Variants in APOLD1 observed in about 807,000 individuals in gnomAD.
APOLD1 encodes the protein apolipoprotein L domain containing 1, also known as apolipoprotein L domain-containing protein 1.
APOLD1 carries 22 observed loss-of-function variants against 15.3 expected under a neutral mutation model. The observed-to-expected ratio is 1.44, with a 90% CI of 1.03 to 2.05. APOLD1 has a LOEUF of 2.05. APOLD1 is among the 30% of genes most tolerant of loss of function. APOLD1 has a pLI of 0.00. For synonymous variants in APOLD1, 190 were observed against 167.4 expected (o/e 1.13, Z -1.04); for missense variants, 394 against 353.5 (o/e 1.11, Z -0.92).
At chr12:12,737,956 G>A (rs1200980059) in intron 1 of APOLD1, among the ~76,000 whole-genome samples, 1 of 152,118 alleles carries the variant, frequency 6.6e-6, no homozygotes, top group African/African-American at 2.4e-5. Context: ...CTATGTGCCA[G>A]GCCCTGGACT....
intron 1 of APOLD1, among the ~76,000 whole-genome samples, chr12:12,772,417 T>C (rs182529053): frequency 2.0e-5 from 3 of 152,204 alleles, no homozygotes; most frequent in African/African-American, 7.2e-5. Context: ...AAGGGGTCAA[T>C]TCTCCAAGAA....
At chr12:12,725,987 C>A (rs1946587666) in exon 1 of APOLD1, 2 of 1,495,382 alleles carry the variant, frequency 1.3e-6, no homozygotes, top group South Asian at 1.3e-5. Flanking sequence ...AGATGTAACC[C>A]AACTCGTTCA....
At chr12:12,742,678 T>C (rs1237043917) in intron 1 of APOLD1, among the ~76,000 whole-genome samples, 1 of 151,882 alleles carries the variant, frequency 6.6e-6, no homozygotes. Context: ...GGCAGAGAAT[T>C]GCTTGAACCT....
rs534670116 is a variant in APOLD1, at chr12:12,759,413, C to G, written c.97-27496C>G. On this transcript the variant is annotated intron_variant, in intron 1 of 1. Transcript: ENST00000326765. ...GAACTGTAGTTGTCTTTGTTAGCTT[C>G]CTTGCTATCTTGTATGACAAGATGC... Among the ~76,000 whole-genome samples, 45 of 151,918 alleles carry G rather than the reference C, an allele frequency of 3.0e-4. No individual in the cohort carries two copies. The Middle Eastern group carries it at 0.014, about 46-fold the overall frequency.
In APOLD1 at chr12:12,788,609, T is replaced by G. The variant is rs1336407581; in HGVS notation, c.*957T>G. 6.6e-6 allele frequency: 1 copy of G among 152,164 alleles called. No homozygotes were observed. Among genetic ancestry groups the G allele is most frequent in the Non-Finnish European group, 1.5e-5 (1 of 68,028 alleles). 9.4% of individuals were successfully genotyped at this position (152,164 alleles called of 1,614,324 possible). On this transcript the variant is annotated 3_prime_UTR_variant, in exon 2 of 2. Transcript: ENST00000356591. ...ATAGTGTAGTCCCTGGAATGGCAAA[T>G]TAACATCACCCAGGAACTTGTTAGA... is the stretch of plus-strand genomic sequence containing the variant.
chr12:12,765,082 G>C (rs187843683), intron 1 of APOLD1, among the ~76,000 whole-genome samples: 1 of 152,266 alleles, frequency 6.6e-6, no homozygotes, highest in East Asian at 1.9e-4. Context: ...TTATGCAAGG[G>C]AGTGCTGGGA....
upstream of APOLD1, among the ~76,000 whole-genome samples, chr12:12,783,121 G>A (rs1382971760): frequency 1.3e-5 from 2 of 152,092 alleles, no homozygotes; most frequent in African/African-American, 4.8e-5. Flanking sequence ...CAGGAGAATT[G>A]CTTGAATCTG....
intron 1 of APOLD1, among the ~76,000 whole-genome samples, chr12:12,777,442 G>A (rs1014311006): frequency 6.6e-6 from 1 of 152,170 alleles, no homozygotes; most frequent in Non-Finnish European, 1.5e-5. Context: ...GTTCAAGTAT[G>A]TGTTCCCTCA....
chr12:12,745,741 G>A (rs1025106011), intron 1 of APOLD1, among the ~76,000 whole-genome samples: 3 of 152,100 alleles, frequency 2.0e-5, no homozygotes, highest in African/African-American at 7.3e-5. Context: ...GCAAGGGCAG[G>A]ATGACTCAGA....
intron 1 of APOLD1, among the ~76,000 whole-genome samples, chr12:12,732,301 A>G (rs959089001): frequency 1.3e-5 from 2 of 152,254 alleles, no homozygotes; most frequent in Non-Finnish European, 2.9e-5. Context: ...TATACTGCGC[A>G]TTTAAAATGT....
intron 1 of APOLD1, among the ~76,000 whole-genome samples, chr12:12,737,186 A>T (rs778228126): frequency 1.3e-5 from 2 of 151,240 alleles, no homozygotes; most frequent in African/African-American, 2.4e-5. Context: ...CTTTAGAAAG[A>T]GACTTCAAAA....
intron 1 of APOLD1, among the ~76,000 whole-genome samples, chr12:12,785,998 A>G (rs953024900): frequency 6.6e-6 from 1 of 152,234 alleles, no homozygotes; most frequent in African/African-American, 2.4e-5. Context: ...TGAAGAGTAC[A>G]GTGGACATGA....
chr12:12,727,997 C>T (rs958266188), intron 1 of APOLD1, among the ~76,000 whole-genome samples: 1 of 151,970 alleles, frequency 6.6e-6, no homozygotes, highest in African/African-American at 2.4e-5. Context: ...AGACAGGTCT[C>T]ACTCTGTCAC....
chr12:12,770,191 C>A (rs771114368), intron 1 of APOLD1, among the ~76,000 whole-genome samples: 18 of 152,072 alleles, frequency 1.2e-4, no homozygotes, highest in Non-Finnish European at 2.1e-4. Flanking sequence ...GGGCAGATCA[C>A]GAAGTCAGTT....
chr12:12,733,567 G>T (rs1029163529), intron 1 of APOLD1, among the ~76,000 whole-genome samples: 4 of 152,182 alleles, frequency 2.6e-5, no homozygotes, highest in African/African-American at 7.2e-5. Context: ...TTTAACAGTA[G>T]ATTTTAACAA....
upstream of APOLD1, among the ~76,000 whole-genome samples, chr12:12,782,320 C>G (rs1476352248): frequency 2.6e-5 from 4 of 152,218 alleles, no homozygotes; most frequent in East Asian, 5.8e-4. Flanking sequence ...AGCAGTGGTT[C>G]ACAAACCTGG....
In APOLD1 at chr12:12,780,305, T is replaced by C. The variant is rs535750072; in HGVS notation, c.97-6604T>C. Among the ~76,000 whole-genome samples the C allele has an allele frequency of 4.9e-3, 726 of 149,330 alleles. 13 individuals are homozygous for C. Among genetic ancestry groups the C allele is most frequent in the Non-Finnish European group, 4.4e-3 (296 of 67,226 alleles). ...TATTGCCCAGGCTGGAGTGCAGTGG[T>C]GTGATCTCGGCTCACTGCAGCCTCA... On this transcript the variant is annotated intron_variant, in intron 1 of 1. Coordinates refer to the APOLD1 transcript ENST00000326765.
At chr12:12,734,253 A>C (rs1468554377) in intron 1 of APOLD1, among the ~76,000 whole-genome samples, 2 of 152,164 alleles carry the variant, frequency 1.3e-5, no homozygotes, top group Non-Finnish European at 2.9e-5. Flanking sequence ...CAAAACTCAC[A>C]TTCCTTGATC....
At chr12:12,744,275 C>T (rs1946749362) in intron 1 of APOLD1, among the ~76,000 whole-genome samples, 1 of 147,652 alleles carries the variant, frequency 6.8e-6, no homozygotes, top group Non-Finnish European at 1.5e-5. Flanking sequence ...CACCACTGTA[C>T]TCCAGCCTGG....
Sources: gnomAD v4.1 joint callset for allele counts (sites outside exome capture counted in the v4.1 genomes callset) on GRCh38, gnomAD v4.1.1 for gene constraint, MANE v1.5 for transcripts, NCBI Gene and HGNC (gene_info 2026-07-23, HGNC 2026-07-21) for gene names.